CADM2: variants seen among roughly 807,000 people sequenced by gnomAD.
The protein encoded by CADM2 is cell adhesion molecule 2.
Under a neutral mutation model 49.8 loss-of-function variants are expected in CADM2, and 12 were observed. The ratio of observed to expected loss-of-function variants is 0.24; its 90% CI spans 0.15 to 0.39. The LOEUF is 0.39. CADM2 is among the 10% of genes least tolerant of loss of function. The pLI is 1.00. For synonymous variants in CADM2, 214 were observed against 175.4 expected, an observed-to-expected ratio of 1.22 and a Z score of -1.74; for missense variants, 378 against 492.3, an observed-to-expected ratio of 0.77 and a Z score of 2.20.
intron 1 of CADM2, among the ~76,000 whole-genome samples, chr3:85,220,282 G>T (rs1319160429): frequency 6.6e-6 from 1 of 152,060 alleles, no homozygotes; most frequent in Non-Finnish European, 1.5e-5. Context: ...TTCCAATTTT[G>T]ATGGTGATAT....
At chr3:85,764,523 A>C (rs1238675916) in intron 2 of CADM2, among the ~76,000 whole-genome samples, 1 of 152,130 alleles carries the variant, frequency 6.6e-6, no homozygotes, top group Non-Finnish European at 1.5e-5. Context: ...TTTTATGTTC[A>C]AAGTCAAGTC....
At chr3:85,818,092 G>A (rs2073327032) in intron 3 of CADM2, among the ~76,000 whole-genome samples, 1 of 151,930 alleles carries the variant, frequency 6.6e-6, no homozygotes, top group South Asian at 2.1e-4. Context: ...CCTGAACTGG[G>A]CCTTTTAGTC....
At chr3:85,611,807 G>C (rs1281046605) in intron 1 of CADM2, among the ~76,000 whole-genome samples, 1 of 151,518 alleles carries the variant, frequency 6.6e-6, no homozygotes, top group Non-Finnish European at 1.5e-5. Flanking sequence ...TGTGTGTTGA[G>C]GGACACATGT....
chr3:85,832,202 C>T (rs1309239189), intron 3 of CADM2, among the ~76,000 whole-genome samples: 1 of 151,610 alleles, frequency 6.6e-6, no homozygotes, highest in Non-Finnish European at 1.5e-5. Flanking sequence ...TCTGTTTTTG[C>T]TGTTTTGGTT....
intron 1 of CADM2, among the ~76,000 whole-genome samples, chr3:85,293,200 A>C (rs1190608532): frequency 1.3e-5 from 2 of 152,116 alleles, no homozygotes; most frequent in Non-Finnish European, 2.9e-5. Flanking sequence ...GAAATGGATA[A>C]ATTCCTCAAC....
At chr3:84,979,233 A>C (rs1231018822) in intron 1 of CADM2, among the ~76,000 whole-genome samples, 2 of 152,218 alleles carry the variant, frequency 1.3e-5, no homozygotes, top group African/African-American at 4.8e-5. Context: ...ATTTATCACT[A>C]GTGGTGTTTG....
At chr3:85,599,555 T>G (rs2063337603) in intron 1 of CADM2, among the ~76,000 whole-genome samples, 1 of 152,020 alleles carries the variant, frequency 6.6e-6, no homozygotes. Flanking sequence ...ATTTTCCCTG[T>G]TCCTAATGTT....
At chr3:84,982,336 C>T (rs1295802472) in intron 1 of CADM2, among the ~76,000 whole-genome samples, 1 of 151,788 alleles carries the variant, frequency 6.6e-6, no homozygotes, top group Non-Finnish European at 1.5e-5. Context: ...AAATATAAGC[C>T]TATAAATTAA....
chr3:85,960,103 C>G (rs1724632135), intron 7 of CADM2, among the ~76,000 whole-genome samples: 1 of 151,894 alleles, frequency 6.6e-6, no homozygotes, highest in Non-Finnish European at 1.5e-5. Flanking sequence ...TACAAGATCA[C>G]ACTCTCCAAG....
intron 1 of CADM2, among the ~76,000 whole-genome samples, chr3:85,299,747 C>T (rs1481605081): frequency 6.6e-6 from 1 of 151,924 alleles, no homozygotes; most frequent in Non-Finnish European, 1.5e-5. Context: ...ATATTATTGA[C>T]TTGTGATTTT....
intron 1 of CADM2, among the ~76,000 whole-genome samples, chr3:85,088,449 G>GA (rs1559654042): frequency 1.3e-5 from 2 of 151,942 alleles, no homozygotes; most frequent in East Asian, 1.9e-4. Context: ...TTAAAACCCT[G>GA]AAAAAACTAC....
intron 1 of CADM2, among the ~76,000 whole-genome samples, chr3:85,050,444 G>T (rs2035838608): frequency 6.6e-6 from 1 of 152,060 alleles, no homozygotes; most frequent in Admixed American, 6.6e-5. Flanking sequence ...TGCAGCTAAA[G>T]ATTTTTCCAT....
chr3:85,131,430 T>A (rs544440435), intron 1 of CADM2, among the ~76,000 whole-genome samples: 1 of 152,186 alleles, frequency 6.6e-6, no homozygotes, highest in African/African-American at 2.4e-5. Context: ...TTTGCTAGCC[T>A]ATACTACATC....
chr3:86,036,621 C>T (rs572122153), intron 8 of CADM2, among the ~76,000 whole-genome samples: 2 of 152,216 alleles, frequency 1.3e-5, no homozygotes, highest in South Asian at 2.1e-4. Context: ...CAAATTCTTC[C>T]TCCAACAACT....
At chr3:85,622,258 C>G (rs1490506263) in intron 1 of CADM2, among the ~76,000 whole-genome samples, 2 of 152,064 alleles carry the variant, frequency 1.3e-5, no homozygotes, top group African/African-American at 4.8e-5. Flanking sequence ...CAATATTATT[C>G]TGTCTTTAAA....
chr3:85,502,491 G>GA (rs2040159815), intron 1 of CADM2, among the ~76,000 whole-genome samples: 1 of 151,714 alleles, frequency 6.6e-6, no homozygotes, highest in African/African-American at 2.4e-5. Flanking sequence ...TAAAAAAAAA[G>GA]AAAAAGAAAA....
At chr3:85,365,740 C>T (rs1351137606) in intron 1 of CADM2, among the ~76,000 whole-genome samples, 1 of 152,172 alleles carries the variant, frequency 6.6e-6, no homozygotes, top group East Asian at 1.9e-4. Context: ...CACATGCAGA[C>T]AGACCTGAAT....
At chr3:85,835,694 A>C (rs1181811725) in intron 3 of CADM2, among the ~76,000 whole-genome samples, 1 of 149,060 alleles carries the variant, frequency 6.7e-6, no homozygotes, top group African/African-American at 2.4e-5. Context: ...TGATACAGCA[A>C]GTATTTTATA....
intron 1 of CADM2, among the ~76,000 whole-genome samples, chr3:85,166,382 T>C (rs2040471348): frequency 6.6e-6 from 1 of 151,962 alleles, no homozygotes; most frequent in East Asian, 1.9e-4. Context: ...AATGAGATTT[T>C]AGAAAGCATG....
Sources: allele counts gnomAD v4.1 joint callset (sites outside exome capture counted in the v4.1 genomes callset), GRCh38; gene constraint gnomAD v4.1.1; transcripts MANE v1.5; gene names NCBI Gene and HGNC (gene_info 2026-07-23, HGNC 2026-07-21).